The following GRIN3A variants were observed in gnomAD, a reference collection of about 807,000 sequenced individuals.
GRIN3A encodes the protein glutamate receptor ionotropic, NMDA 3A.
In GRIN3A, 47 loss-of-function variants were observed where a neutral mutation model predicts 92.4. The ratio of observed to expected loss-of-function variants is 0.51; its 90% CI spans 0.40 to 0.65. The LOEUF (loss-of-function observed/expected upper bound fraction) is 0.65, where lower values mean the gene tolerates loss of function less well. Ranked by LOEUF, GRIN3A falls within the 30% of genes least tolerant of loss-of-function variation. The probability of loss-of-function intolerance (pLI) is 0.00; values close to 1 mark genes in which losing one functional copy is unlikely to be tolerated. For missense variants in GRIN3A, 1,324 were observed against 1,393.1 expected, an observed-to-expected ratio of 0.95 and a Z score of 0.79; for synonymous variants, 527 against 540.6, an observed-to-expected ratio of 0.97 and a Z score of 0.35.
At chr9:101,672,638 A>G (rs1334691509) in intron 2 of GRIN3A, among the ~76,000 whole-genome samples, 1 of 152,176 alleles carries the variant, frequency 6.6e-6, no homozygotes, top group Non-Finnish European at 1.5e-5. Context: ...TTGCCACAGA[A>G]GGGACATAGA....
At chr9:101,697,779 G>A (rs745884394) in intron 1 of GRIN3A, among the ~76,000 whole-genome samples, 2 of 152,190 alleles carry the variant, frequency 1.3e-5, no homozygotes, top group East Asian at 1.9e-4. Flanking sequence ...AAATTAAGGG[G>A]CAGGAGTGAA....
intron 1 of GRIN3A, among the ~76,000 whole-genome samples, chr9:101,721,038 A>G (rs759750707): frequency 2.6e-5 from 4 of 152,222 alleles, no homozygotes; most frequent in Non-Finnish European, 4.4e-5. Flanking sequence ...CTGTGTACCT[A>G]TATCTCAACA....
At chr9:101,697,617 A>G (rs1292313652) in intron 1 of GRIN3A, among the ~76,000 whole-genome samples, 1 of 152,204 alleles carries the variant, frequency 6.6e-6, no homozygotes, top group Non-Finnish European at 1.5e-5. Flanking sequence ...GCCTGCATCC[A>G]CTGAAGCCCA....
intron 5 of GRIN3A, among the ~76,000 whole-genome samples, chr9:101,620,093 A>G (rs1031698849): frequency 5.9e-5 from 9 of 152,144 alleles, no homozygotes; most frequent in Non-Finnish European, 1.5e-5. Flanking sequence ...GTTTGGAGGG[A>G]TAGTTAATAG....
chr9:101,704,220 G>C (rs2050639), intron 1 of GRIN3A, among the ~76,000 whole-genome samples: 51,182 of 151,928 alleles, frequency 0.34, 9,002 homozygotes, highest in African/African-American at 0.42. Context: ...ATCAAATCAT[G>C]TTTCCTAAAA....
chr9:101,641,095 C>T (rs542707820), intron 3 of GRIN3A, among the ~76,000 whole-genome samples: 14 of 152,008 alleles, frequency 9.2e-5, no homozygotes, highest in African/African-American at 3.1e-4. Flanking sequence ...AATGAATATG[C>T]CTAAAGCATA....
chr9:101,670,917 G>A lies in GRIN3A; in HGVS notation c.1495C>T (p.Gln499Ter). The A allele has an allele frequency of 6.2e-7, 1 of 1,613,600 alleles. No homozygotes were observed. The highest frequency in any genetic ancestry group is 8.5e-7 in the Non-Finnish European group (1 of 1,179,634). ...AAGTGGGTTTTGTGTCTCTGGGCCT[G>A]CTCTGGCCATATTCCATAGTCCATG... ...IVMDYGIWPEQAQRHKTHFQH... is the reference protein window; with the variant it reads ...IVMDYGIWPE Residue 499 changes from glutamine (Q) to a stop codon, truncating the protein, a stop_gained, in exon 3 of 9, where the codon CAG (glutamine) becomes TAG (stop). Coordinates refer to ENST00000361820, the MANE Select transcript of GRIN3A (RefSeq NM_133445.3). LOFTEE classifies it high-confidence loss of function.
At chr9:101,611,142 T>G in intron 6 of GRIN3A, among the ~76,000 whole-genome samples, 1 of 146,756 alleles carries the variant, frequency 6.8e-6, no homozygotes, top group Non-Finnish European at 1.5e-5. Context: ...AAACCAGAAA[T>G]GTACTACCTC....
At chr9:101,733,150 C>G (rs572923996) in intron 1 of GRIN3A, among the ~76,000 whole-genome samples, 1 of 152,086 alleles carries the variant, frequency 6.6e-6, no homozygotes, top group Non-Finnish European at 1.5e-5. Flanking sequence ...TCAGCTGATT[C>G]GATCATAAAT....
rs752505094 is a variant in GRIN3A, at chr9:101,594,415, G to A, written c.2767-15055C>T. On this transcript the variant is annotated intron_variant, in intron 6 of 8. Coordinates refer to ENST00000361820, the MANE Select transcript of GRIN3A (RefSeq NM_133445.3). ...GTGCTTGTAAGAAAAAGGCTCATAC[G>A]ATGAGGACCAGCTTCTTGTGGATCT... The A allele has an allele frequency of 8.7e-6, 14 of 1,601,798 alleles. No homozygotes were observed. The East Asian group carries it at 2.5e-4, about 28-fold the overall frequency.
intron 3 of GRIN3A, among the ~76,000 whole-genome samples, chr9:101,632,939 C>T (rs939158531): frequency 5.3e-5 from 8 of 152,256 alleles, no homozygotes; most frequent in African/African-American, 9.6e-5. Flanking sequence ...CCAGCTCTTC[C>T]GATTCTGTTT....
intron 1 of GRIN3A, among the ~76,000 whole-genome samples, chr9:101,689,045 C>A (rs1829578260): frequency 6.6e-6 from 1 of 152,110 alleles, no homozygotes; most frequent in Non-Finnish European, 1.5e-5. Context: ...TTCCTCACTC[C>A]TCATTTTGAT....
intron 8 of GRIN3A, among the ~76,000 whole-genome samples, chr9:101,576,582 C>A (rs764824816): frequency 5.3e-5 from 8 of 152,040 alleles, no homozygotes; most frequent in Non-Finnish European, 1.0e-4. Flanking sequence ...AATATTTTTT[C>A]ATTGTAAGAT....
At chr9:101,652,020 A>T (rs1829021535) in intron 3 of GRIN3A, among the ~76,000 whole-genome samples, 1 of 151,992 alleles carries the variant, frequency 6.6e-6, no homozygotes, top group South Asian at 2.1e-4. Context: ...TTATAGGCAA[A>T]ATGAAGAATT....
intron 6 of GRIN3A, among the ~76,000 whole-genome samples, chr9:101,604,860 A>T (rs1488857140): frequency 3.9e-5 from 6 of 152,242 alleles, no homozygotes; most frequent in Non-Finnish European, 7.3e-5. Flanking sequence ...TTCAATGTAT[A>T]GTTGACTAAC....
At chr9:101,633,482 A>G (rs1828739292) in intron 3 of GRIN3A, among the ~76,000 whole-genome samples, 1 of 152,150 alleles carries the variant, frequency 6.6e-6, no homozygotes, top group African/African-American at 2.4e-5. Flanking sequence ...TCATCAGTGG[A>G]CGATTAGCAG....
At chr9:101,599,624 C>T (rs552495523) in intron 6 of GRIN3A, among the ~76,000 whole-genome samples, 1 of 152,106 alleles carries the variant, frequency 6.6e-6, no homozygotes, top group Non-Finnish European at 1.5e-5. Context: ...AAACCAGGAG[C>T]CTTGATGGCA....
chr9:101,726,103 C>T (rs1830079393), intron 1 of GRIN3A, among the ~76,000 whole-genome samples: 3 of 152,108 alleles, frequency 2.0e-5, no homozygotes, highest in Admixed American at 2.0e-4. Context: ...GAGCATGCAA[C>T]CTAAGAATCT....
At chr9:101,695,416 G>C (rs1235785702) in intron 1 of GRIN3A, among the ~76,000 whole-genome samples, 1 of 152,152 alleles carries the variant, frequency 6.6e-6, no homozygotes, top group Non-Finnish European at 1.5e-5. Context: ...TAGCAGACAA[G>C]AAATAAGGCC....
Sources: allele counts gnomAD v4.1 joint callset (sites outside exome capture counted in the v4.1 genomes callset), GRCh38; gene constraint gnomAD v4.1.1; transcripts MANE v1.5; gene names NCBI Gene and HGNC (gene_info 2026-07-23, HGNC 2026-07-21).